The following SCAPER variants were observed in gnomAD, a reference collection of about 807,000 sequenced individuals.
SCAPER encodes the protein S-phase cyclin A associated protein in the ER, also known as S phase cyclin A-associated protein in the endoplasmic reticulum.
A neutral mutation model predicts 182.2 loss-of-function variants in SCAPER; 98 were observed. The ratio of observed to expected loss-of-function variants is 0.54; its 90% CI spans 0.46 to 0.64. SCAPER has a LOEUF of 0.64. SCAPER is among the 30% of genes least tolerant of loss of function. The pLI is 0.00. For missense variants in SCAPER, 1,432 were observed against 1,690.0 expected, an observed-to-expected ratio of 0.85 and a Z score of 2.68; for synonymous variants, 605 against 564.6, an observed-to-expected ratio of 1.07 and a Z score of -1.01.
At chr15:76,669,706 G>A (rs1567752161) in intron 20 of SCAPER, among the ~76,000 whole-genome samples, 1 of 152,160 alleles carries the variant, frequency 6.6e-6, no homozygotes, top group Non-Finnish European at 1.5e-5. Context: ...TGGTCACAAA[G>A]CTCAAGATCA....
At chr15:76,728,819 C>T in intron 16 of SCAPER, 82 bp from the exon 17 acceptor site, 1 of 1,428,876 alleles carries the variant, frequency 7.0e-7, no homozygotes, top group South Asian at 1.5e-5. Context: ...TTTCACCAAA[C>T]TTACATGTTC....
chr15:76,581,856 G>T (rs143447391), intron 22 of SCAPER, among the ~76,000 whole-genome samples: 1 of 151,970 alleles, frequency 6.6e-6, no homozygotes, highest in African/African-American at 2.4e-5. Context: ...AACATGCCAG[G>T]ATTACAGGTG....
intron 23 of SCAPER, among the ~76,000 whole-genome samples, chr15:76,550,509 G>A (rs181929592): frequency 6.6e-6 from 1 of 152,286 alleles, no homozygotes; most frequent in African/African-American, 2.4e-5. Flanking sequence ...CCATGTCCCT[G>A]CAAAGGACAT....
intron 22 of SCAPER, among the ~76,000 whole-genome samples, chr15:76,576,240 TGTA>T (rs1215122207): frequency 6.6e-6 from 1 of 152,160 alleles, no homozygotes; most frequent in African/African-American, 2.4e-5. Context: ...GGCGTGCACC[TGTA>T]GTCCTAGCTA....
At position 76,699,614 on chromosome 15, in the gene SCAPER, C is replaced by T. The variant is rs192824386; in HGVS notation, c.2508+2144G>A. On this transcript the variant is annotated intron_variant, in intron 20 of 31. Coordinates refer to ENST00000563290, the MANE Select transcript of SCAPER (RefSeq NM_020843.4). ...CTCTGCTTCTGGATGATTTCAGCAG[C>T]GCTGGACTGCATGCCCTGGGGGACT... Among the ~76,000 whole-genome samples, 22 of 152,328 alleles carry T rather than the reference C, an allele frequency of 1.4e-4. 1 individual carries two copies. The East Asian group carries it at 3.9e-3, about 27-fold the overall frequency.
chr15:76,643,922 T>C (rs1339600265), intron 21 of SCAPER, among the ~76,000 whole-genome samples: 2 of 152,176 alleles, frequency 1.3e-5, no homozygotes, highest in Non-Finnish European at 2.9e-5. Flanking sequence ...ATCTACCTTT[T>C]AAAAATGATT....
At chr15:76,452,265 T>G (rs930714301) in intron 25 of SCAPER, among the ~76,000 whole-genome samples, 5 of 152,206 alleles carry the variant, frequency 3.3e-5, no homozygotes, top group Non-Finnish European at 7.3e-5. Context: ...TCCCTTGCAT[T>G]GCTGATCCTG....
intron 10 of SCAPER, among the ~76,000 whole-genome samples, chr15:76,769,272 T>G (rs1463308007): frequency 6.6e-6 from 1 of 150,610 alleles, no homozygotes; most frequent in African/African-American, 2.4e-5. Context: ...GAAACCCCGT[T>G]TCTACTAAAA....
chr15:76,370,575 G>T (rs2042101446), intron 29 of SCAPER, among the ~76,000 whole-genome samples: 1 of 152,046 alleles, frequency 6.6e-6, no homozygotes, highest in African/African-American at 2.4e-5. Flanking sequence ...AAAGTGCTGG[G>T]ATTATAGACT....
chr15:76,398,673 AT>A (rs919486991), intron 27 of SCAPER, among the ~76,000 whole-genome samples: 1 of 152,236 alleles, frequency 6.6e-6, no homozygotes, highest in African/African-American at 2.4e-5. Context: ...GCTAGAACAC[AT>A]TTTGTTATTG....
rs183881315 is a variant in SCAPER at position 76,495,510 on chromosome 15, G to A, written c.2954+9349C>T. On this transcript the variant is annotated intron_variant, in intron 24 of 31. Transcript: ENST00000563290. ...GGAGAATCGCTTGAACCCAGGAGGCGGAGGTTGCAGTGAGCCGAGATTGTG... is the reference window on the plus strand; with the variant it reads ...GGAGAATCGCTTGAACCCAGGAGGCAGAGGTTGCAGTGAGCCGAGATTGTG... 9.8e-3 allele frequency among the ~76,000 whole-genome samples: 1,481 copies of A among 150,676 alleles called. 14 individuals are homozygous for A. The highest frequency in any genetic ancestry group is 0.028 in the African/African-American group (1,133 of 40,930).
At position 76,442,047 on chromosome 15, in the gene SCAPER, C is replaced by CTATATATACATGTATATATAGATATAGA. The variant is rs2047650386; in HGVS notation, c.3079-7765_3079-7738dup. Among the ~76,000 whole-genome samples the CTATATATACATGTATATATAGATATAGA allele has an allele frequency of 9.2e-4, 140 of 152,084 alleles. 3 individuals are homozygous for CTATATATACATGTATATATAGATATAGA. The South Asian group carries it at 0.028, about 31-fold the overall frequency. On this transcript the variant is annotated intron_variant, in intron 25 of 31. Transcript: ENST00000563290. The stretch of plus-strand genomic sequence containing the variant: ...CAGCATTAAATATCTATCTATCTAT[C>CTATATATACATGTATATATAGATATAGA]TATATATACATGTATATATAGATAT...
chr15:76,451,043 T>C (rs995884711), intron 25 of SCAPER, among the ~76,000 whole-genome samples: 1 of 152,240 alleles, frequency 6.6e-6, no homozygotes, highest in Admixed American at 6.5e-5. Flanking sequence ...CCTGTGGGCA[T>C]AGGCAATCAC....
intron 25 of SCAPER, among the ~76,000 whole-genome samples, chr15:76,446,918 A>G (rs2048039132): frequency 6.6e-6 from 1 of 152,212 alleles, no homozygotes; most frequent in African/African-American, 2.4e-5. Context: ...TTTCACTTTC[A>G]GTACATGATT....
intron 21 of SCAPER, among the ~76,000 whole-genome samples, chr15:76,663,999 T>TA (rs749760865): frequency 2.3e-4 from 34 of 150,954 alleles, no homozygotes; most frequent in African/African-American, 5.8e-4. Flanking sequence ...TAGTTACATT[T>TA]AAAAAAAAAG....
chr15:76,794,900 C>T (rs773672246), intron 8 of SCAPER, among the ~76,000 whole-genome samples: 5 of 151,994 alleles, frequency 3.3e-5, no homozygotes, highest in Non-Finnish European at 7.4e-5. Flanking sequence ...TTTTGCAGTA[C>T]AAAATAACAA....
chr15:76,397,457 TTTTC>T (rs1229170821), intron 27 of SCAPER, among the ~76,000 whole-genome samples: 2 of 151,092 alleles, frequency 1.3e-5, no homozygotes, highest in Non-Finnish European at 2.9e-5. Flanking sequence ...GGTCCTGGGC[TTTTC>T]TTTATTGGCA....
chr15:76,641,883 G>C (rs929085254), intron 21 of SCAPER, among the ~76,000 whole-genome samples: 14 of 152,110 alleles, frequency 9.2e-5, no homozygotes, highest in Admixed American at 7.9e-4. Context: ...AAATGACTTT[G>C]TCTAAATGAA....
chr15:76,785,711 G>A (rs1349924519), intron 8 of SCAPER, among the ~76,000 whole-genome samples: 1 of 152,166 alleles, frequency 6.6e-6, no homozygotes, highest in East Asian at 1.9e-4. Context: ...AAAAGGATGA[G>A]TTCATGTCCT....
Sources: allele counts gnomAD v4.1 joint callset (sites outside exome capture counted in the v4.1 genomes callset), GRCh38; gene constraint gnomAD v4.1.1; transcripts MANE v1.5; gene names NCBI Gene and HGNC (gene_info 2026-07-23, HGNC 2026-07-21).